The following PREX1 variants were observed in gnomAD, a reference collection of about 807,000 sequenced individuals.
PREX1 encodes the protein phosphatidylinositol 3,4,5-trisphosphate-dependent Rac exchanger 1 protein.
Under a neutral mutation model 198.3 loss-of-function variants are expected in PREX1, and 41 were observed. The observed-to-expected ratio is 0.21, with a 90% CI of 0.16 to 0.27. PREX1 has a LOEUF of 0.27. Ranked by LOEUF, PREX1 falls within the 10% of genes least tolerant of loss-of-function variation. PREX1 has a pLI of 1.00. For missense variants in PREX1, 1,620 were observed against 2,200.7 expected (o/e 0.74, Z 5.28); for synonymous variants, 843 against 887.2 (o/e 0.95, Z 0.89).
rs1270031538 is a variant in PREX1 at position 48,666,178 on chromosome 20, G to C, written c.1738+105C>G. The stretch of plus-strand genomic sequence containing the variant: ...TCGTGAGCCTCCCCAAACCCCCGGG[G>C]GTCTAGAGAGCCACAGACCTGGCTT... On this transcript the variant is annotated intron_variant, in intron 15 of 39. Coordinates refer to ENST00000371941, the MANE Select transcript of PREX1 (RefSeq NM_020820.4). This position sits in a 1 kb window ranked among gnomAD's most constrained non-coding sequence, Gnocchi z 4.3. The C allele has an allele frequency of 1.1e-5, 13 of 1,180,220 alleles. No individual in the cohort carries two copies. The highest frequency in any genetic ancestry group is 1.4e-5 in the Non-Finnish European group (12 of 829,868). The allele number at this position is 1,180,220 out of a possible 1,614,324, so 73.1% of individuals were successfully genotyped here.
chr20:48,655,235 A>G, intron 19 of PREX1, 55 bp downstream of exon 19: 1 of 1,455,778 alleles, frequency 6.9e-7, no homozygotes, highest in Non-Finnish European at 9.4e-7. Flanking sequence ...CCTGCCACAC[A>G]GACAGATCCA....
intron 16 of PREX1, 116 bp downstream of exon 16, chr20:48,659,803 T>C (rs1176409075): frequency 7.0e-7 from 1 of 1,426,308 alleles, no homozygotes; most frequent in African/African-American, 1.4e-5. Flanking sequence ...AGAATCCACC[T>C]ATTCTGGTAC....
intron 1 of PREX1, among the ~76,000 whole-genome samples, chr20:48,757,825 T>A (rs1051138634): frequency 6.6e-6 from 1 of 152,200 alleles, no homozygotes; most frequent in Non-Finnish European, 1.5e-5. Flanking sequence ...TATAGAAATG[T>A]TGGAGGCCTT....
At chr20:48,784,663 C>T (rs911430377) in intron 1 of PREX1, among the ~76,000 whole-genome samples, 4 of 152,190 alleles carry the variant, frequency 2.6e-5, no homozygotes, top group African/African-American at 9.7e-5. Flanking sequence ...AAGAAGCCGA[C>T]CTGCCCACAG....
intron 19 of PREX1, 21 bp from the exon 20 acceptor site, chr20:48,653,518 T>C: frequency 1.3e-6 from 2 of 1,591,880 alleles, no homozygotes; most frequent in African/African-American, 1.3e-5. Flanking sequence ...CAGGAGCACA[T>C]GAGGCTGGAT....
chr20:48,667,756 G>T (rs567004357), intron 14 of PREX1, among the ~76,000 whole-genome samples: 1 of 152,220 alleles, frequency 6.6e-6, no homozygotes, highest in Non-Finnish European at 1.5e-5. Context: ...GACCCTGCGG[G>T]TTTGGCCTTT....
chr20:48,655,210 A>G (rs1436317563), intron 19 of PREX1, 80 bp downstream of exon 19: 3 of 1,346,868 alleles, frequency 2.2e-6, no homozygotes, highest in African/African-American at 3.0e-5. Context: ...CCTAGAGTTC[A>G]GAAGGCTCTG....
chr20:48,860,866 C>G, the PREX1 span, among the ~76,000 whole-genome samples: 1 of 150,900 alleles, frequency 6.6e-6, no homozygotes, highest in South Asian at 2.1e-4. Flanking sequence ...CGCAGTGGCT[C>G]ATGTCTGCAA....
At chr20:48,693,401 T>C (rs1308027879) in intron 7 of PREX1, among the ~76,000 whole-genome samples, 1 of 86,624 alleles carries the variant, frequency 1.2e-5, no homozygotes, top group East Asian at 2.4e-4. Flanking sequence ...AAGGACCTCA[T>C]GAATGAGATT....
Position 48,627,850 on chromosome 20 carries a change from A to G in PREX1, c.4869+11T>C. The G allele has an allele frequency of 6.2e-7, 1 of 1,610,088 alleles. No individual in the cohort carries two copies. The highest frequency in any genetic ancestry group is 8.5e-7 in the Non-Finnish European group (1 of 1,178,520). ...AGGGTGCTGGAGGACCCTGTGGCCA[A>G]GCGGCCTCACCTGCTTCCGCATGAT... is the stretch of plus-strand genomic sequence containing the variant. On this transcript the variant is annotated intron_variant, in intron 38 of 39. Transcript: ENST00000371941.
At chr20:48,767,985 TC>T (rs1437649479) in intron 1 of PREX1, among the ~76,000 whole-genome samples, 1 of 152,158 alleles carries the variant, frequency 6.6e-6, no homozygotes, top group Non-Finnish European at 1.5e-5. Flanking sequence ...TTTAGAGTCC[TC>T]CTCTCTGCGC....
chr20:48,658,010 A>C, intron 17 of PREX1, 126 bp downstream of exon 17: 1 of 927,568 alleles, frequency 1.1e-6, no homozygotes, highest in Non-Finnish European at 1.6e-6. Flanking sequence ...CACGTGAGCA[A>C]TGAGAGAAGA....
rs1232205182 is a variant in PREX1, at chr20:48,827,821, C to T, written c.40G>A (p.Ala14Thr). 2.0e-6 allele frequency: 2 copies of T among 1,002,936 alleles called. No individual in the cohort carries two copies. Among genetic ancestry groups the T allele is most frequent in the Non-Finnish European group, 2.4e-6 (2 of 841,356 alleles). 62.1% of individuals were successfully genotyped at this position (1,002,936 alleles called of 1,614,324 possible). The change falls in exon 1 of 40, where the codon GCC becomes ACC. Residue 14 changes from alanine to threonine, a missense_variant. Transcript: ENST00000371941. This position sits in a 1 kb window ranked among gnomAD's most constrained non-coding sequence, Gnocchi z 4.1. ...GGGTCCGGGTGGGCGCAGTCCCCGG[C>T]CCCGTCGCCGCCGGGCTCGCTGCCG... ...PSGSEPGGDG[A>T]GDCAHPDPRA...
chr20:48,700,432 C>T (rs2089867761), intron 7 of PREX1, among the ~76,000 whole-genome samples: 1 of 152,102 alleles, frequency 6.6e-6, no homozygotes, highest in Admixed American at 6.5e-5. Context: ...CACAAAATAT[C>T]TCTTTAATAA....
intron 2 of PREX1, among the ~76,000 whole-genome samples, chr20:48,745,737 C>A (rs1192719192): frequency 6.6e-6 from 1 of 152,222 alleles, no homozygotes; most frequent in Non-Finnish European, 1.5e-5. Flanking sequence ...TACAATTTGA[C>A]CCAGCAATCC....
intron 4 of PREX1, among the ~76,000 whole-genome samples, chr20:48,729,831 A>G (rs2090026856): frequency 6.6e-6 from 1 of 152,180 alleles, no homozygotes; most frequent in Non-Finnish European, 1.5e-5. Flanking sequence ...CAAAACCTCA[A>G]AATGCAACCT....
intron 1 of PREX1, among the ~76,000 whole-genome samples, chr20:48,751,838 GA>G (rs138110263): frequency 0.035 from 5,355 of 152,264 alleles, 140 homozygotes; most frequent in Non-Finnish European, 0.046. Context: ...ATGTGATGAT[GA>G]AATACGTCAG....
Position 48,736,522 on chromosome 20 carries a change from C to G in PREX1, c.415-1872G>C, listed in dbSNP as rs77767362. Among the ~76,000 whole-genome samples, 1,151 of 152,310 alleles carry G rather than the reference C, an allele frequency of 7.6e-3. 15 individuals are homozygous for G. Among genetic ancestry groups the G allele is most frequent in the South Asian group, 0.039 (186 of 4,828 alleles). On this transcript the variant is annotated intron_variant, in intron 3 of 39. Transcript: ENST00000371941. ...AAGGAGAAGAGGGGACCCCAGCACC[C>G]CCAACACTGCCCAGGCAGACCTTTT...
At chr20:48,750,371 T>A (rs1291811221) in intron 1 of PREX1, among the ~76,000 whole-genome samples, 1 of 152,146 alleles carries the variant, frequency 6.6e-6, no homozygotes, top group Non-Finnish European at 1.5e-5. Flanking sequence ...GATCAGTCAA[T>A]CCATGCCTTT....
Sources: gnomAD v4.1 joint callset for allele counts (sites outside exome capture counted in the v4.1 genomes callset) on GRCh38, gnomAD v4.1.1 for gene constraint, Gnocchi (gnomAD v3.1) non-coding constraint, MANE v1.5 for transcripts, NCBI Gene and HGNC (gene_info 2026-07-23, HGNC 2026-07-21) for gene names.